TSHR: variants seen among roughly 807,000 people sequenced by gnomAD.
The protein encoded by TSHR is thyroid stimulating hormone receptor, also known as thyrotropin receptor.
In TSHR, 51 loss-of-function variants were observed where a neutral mutation model predicts 64.1. The ratio of observed to expected loss-of-function variants is 0.80; its 90% CI spans 0.64 to 1.01. The LOEUF is 1.01. Among genes scored for constraint, TSHR ranks in the 50% least tolerant of loss-of-function variants. The pLI is 0.00. For synonymous variants in TSHR, 361 were observed against 361.9 expected (o/e 1.00, Z 0.03); for missense variants, 877 against 942.8 (o/e 0.93, Z 0.91).
intron 1 of TSHR, among the ~76,000 whole-genome samples, 182 bp from the exon 2 acceptor site, chr14:81,061,966 G>GA (rs1566787330): frequency 1.3e-5 from 2 of 152,138 alleles, no homozygotes; most frequent in East Asian, 3.9e-4. Flanking sequence ...CTTATTGGGA[G>GA]AAAAAAATGT....
chr14:81,114,469 G>A (rs1254104894), intron 8 of TSHR, among the ~76,000 whole-genome samples: 8 of 152,154 alleles, frequency 5.3e-5, no homozygotes, highest in Admixed American at 2.0e-4. Flanking sequence ...GCGCTTTTCC[G>A]ACGGGCTTAA....
intron 1 of TSHR, chr14:80,995,394 A>G (rs1888955908): frequency 6.6e-6 from 1 of 152,198 alleles, no homozygotes; most frequent in Non-Finnish European, 1.5e-5. Flanking sequence ...TTATTTCAGC[A>G]CTATTCAGAA....
chr14:81,104,766 C>T (rs2140020037), intron 7 of TSHR: 1 of 985,410 alleles, frequency 1.0e-6, no homozygotes. Flanking sequence ...TATTCACAAT[C>T]TTAAATCAGG....
chr14:81,084,329 T>G (rs1318255148), intron 3 of TSHR, among the ~76,000 whole-genome samples: 2 of 152,050 alleles, frequency 1.3e-5, no homozygotes, highest in East Asian at 3.8e-4. Flanking sequence ...TTTTTAAAGT[T>G]TGAGATTTTT....
chr14:80,966,010 G>T (rs1336954246), intron 1 of TSHR, among the ~76,000 whole-genome samples: 1 of 152,094 alleles, frequency 6.6e-6, no homozygotes, highest in Non-Finnish European at 1.5e-5. Flanking sequence ...GCTTCCTTAT[G>T]TCCAAATTTT....
Position 81,101,229 on chromosome 14 carries a change from A to C in TSHR, c.614+4522A>C, listed in dbSNP as rs185756509. 1.4e-3 allele frequency among the ~76,000 whole-genome samples: 216 copies of C among 152,286 alleles called. 1 individual carries two copies. The highest frequency in any genetic ancestry group is 5.0e-3 in the African/African-American group (208 of 41,548). ...ATACCATCTGCTTGGGAAGCAGGTA[A>C]ATTTAAGAAGGTTTATTCAAGAGAT... is the stretch of plus-strand genomic sequence containing the variant. On this transcript the variant is annotated intron_variant, in intron 7 of 9. Coordinates refer to ENST00000298171, the MANE Select transcript of TSHR (RefSeq NM_000369.5).
chr14:81,028,939 A>G (rs1884210508), intron 1 of TSHR, among the ~76,000 whole-genome samples: 1 of 151,898 alleles, frequency 6.6e-6, no homozygotes, highest in South Asian at 2.1e-4. Flanking sequence ...GAAATAAAGA[A>G]TCAGAAATAA....
At chr14:81,039,700 CA>C (rs1884828508) in intron 1 of TSHR, among the ~76,000 whole-genome samples, 1 of 151,368 alleles carries the variant, frequency 6.6e-6, no homozygotes, top group Non-Finnish European at 1.5e-5. Context: ...AAAAATAAAC[CA>C]AAAAAGCAAT....
At chr14:80,965,466 A>G (rs1887252655) in intron 1 of TSHR, among the ~76,000 whole-genome samples, 1 of 152,180 alleles carries the variant, frequency 6.6e-6, no homozygotes, top group Non-Finnish European at 1.5e-5. Flanking sequence ...CTCTTCACAC[A>G]GAAGTTCACT....
chr14:81,005,236 T>C (rs998715178), intron 1 of TSHR, among the ~76,000 whole-genome samples: 58 of 96,484 alleles, frequency 6.0e-4, no homozygotes, highest in Middle Eastern at 4.6e-3. Flanking sequence ...TGTGTGTGTG[T>C]GTGTGCACGC....
intron 7 of TSHR, among the ~76,000 whole-genome samples, chr14:81,106,611 T>G (rs2140024888): frequency 6.6e-6 from 1 of 152,220 alleles, no homozygotes; most frequent in East Asian, 1.9e-4. Flanking sequence ...GGCAAAATGG[T>G]AATGGCTACT....
chr14:80,977,714 G>A (rs915923377), intron 1 of TSHR, among the ~76,000 whole-genome samples: 4 of 152,186 alleles, frequency 2.6e-5, no homozygotes, highest in African/African-American at 9.7e-5. Flanking sequence ...CCACAGCCTG[G>A]TGCTGCAAAG....
At chr14:81,030,923 T>C (rs1459632456) in intron 1 of TSHR, among the ~76,000 whole-genome samples, 1 of 152,140 alleles carries the variant, frequency 6.6e-6, no homozygotes, top group Non-Finnish European at 1.5e-5. Context: ...ATAATGGAGG[T>C]TTGCCAGGGC....
At chr14:81,081,021 G>A (rs928531315) in intron 3 of TSHR, among the ~76,000 whole-genome samples, 2 of 152,158 alleles carry the variant, frequency 1.3e-5, no homozygotes, top group African/African-American at 4.8e-5. Context: ...GGTCAAATAT[G>A]AAATACTAAG....
chr14:81,080,099 T>A (rs1887794452), intron 3 of TSHR, among the ~76,000 whole-genome samples: 1 of 151,954 alleles, frequency 6.6e-6, no homozygotes, highest in East Asian at 1.9e-4. Flanking sequence ...ACTACAGGCG[T>A]GTGCCACCAT....
intron 6 of TSHR, chr14:81,093,476 C>T (rs1250116518): frequency 6.6e-6 from 1 of 152,234 alleles, no homozygotes; most frequent in African/African-American, 2.4e-5. Flanking sequence ...CAAGTTCAAG[C>T]CTGGTGAAGT....
chr14:80,971,749 G>A (rs540703136), intron 1 of TSHR, among the ~76,000 whole-genome samples: 233 of 152,300 alleles, frequency 1.5e-3, no homozygotes, highest in Non-Finnish European at 2.5e-3. Context: ...GTCAGTATAA[G>A]CTCAAACCTT....
chr14:81,003,476 C>T (rs1019585091), intron 1 of TSHR: 3 of 212,476 alleles, frequency 1.4e-5, no homozygotes, highest in Non-Finnish European at 3.0e-5. Context: ...GAATGGTGCA[C>T]GCTGTTTTTG....
intron 1 of TSHR, among the ~76,000 whole-genome samples, chr14:81,060,009 C>A (rs1211437399): frequency 2.0e-5 from 3 of 152,082 alleles, no homozygotes; most frequent in Non-Finnish European, 4.4e-5. Context: ...TCCAATTGCA[C>A]TTAGATGCTA....
Sources: gnomAD v4.1 joint callset for allele counts (sites outside exome capture counted in the v4.1 genomes callset) on GRCh38, gnomAD v4.1.1 for gene constraint, MANE v1.5 for transcripts, NCBI Gene and HGNC (gene_info 2026-07-23, HGNC 2026-07-21) for gene names.